The following FAM91A1 variants were observed in gnomAD, a reference collection of about 807,000 sequenced individuals.
FAM91A1 encodes the protein family with sequence similarity 91 member A1, also known as protein FAM91A1.
FAM91A1 carries 41 observed loss-of-function variants against 113.5 expected under a neutral mutation model. The ratio of observed to expected loss-of-function variants is 0.36; its 90% CI spans 0.28 to 0.47. The LOEUF is 0.47. Ranked by LOEUF, FAM91A1 falls within the 20% of genes least tolerant of loss-of-function variation. The pLI is 1.00. For missense variants in FAM91A1, 696 were observed against 1,001.2 expected (o/e 0.70, Z 4.11); for synonymous variants, 307 against 347.9 (o/e 0.88, Z 1.31).
intron 22 of FAM91A1, 88 bp downstream of exon 22, chr8:123,809,104 T>G (rs910202007): frequency 5.9e-6 from 9 of 1,532,776 alleles, no homozygotes; most frequent in Non-Finnish European, 8.0e-6. Flanking sequence ...ATTCCACACA[T>G]GAGCACAGTA....
Position 123,775,313 on chromosome 8 carries a change from T to C in FAM91A1, c.309+15T>C, listed in dbSNP as rs1814955736. 1 of 1,610,870 alleles carries C rather than the reference T, an allele frequency of 6.2e-7. No individual in the cohort carries two copies. Among genetic ancestry groups the C allele is most frequent in the East Asian group, 2.2e-5 (1 of 44,810 alleles). On this transcript the variant is annotated intron_variant, in intron 3 of 23. Transcript: ENST00000334705. ...GGATTATGGAGGTGAGTTTACAGTG[T>C]GGGTGAGCCAGTGGGAATGGGATGG...
In FAM91A1 at chr8:123,785,761, T is replaced by A; in HGVS notation, c.962+20T>A. The A allele has an allele frequency of 7.1e-7, 1 of 1,405,556 alleles. No individual in the cohort carries two copies. Among genetic ancestry groups the A allele is most frequent in the Non-Finnish European group, 9.8e-7 (1 of 1,025,518 alleles). The allele number at this position is 1,405,556 out of a possible 1,614,324, so 87.1% of individuals were successfully genotyped here. On this transcript the variant is annotated intron_variant, in intron 11 of 23. Transcript: ENST00000334705. ...ATTAAAGTAACTTAAATTTATTCAG[T>A]ATGAGCTATTAGAGTTTCCTTTTGA...
At chr8:123,780,844 A>G (rs1266417594) in intron 8 of FAM91A1, among the ~76,000 whole-genome samples, 1 of 152,142 alleles carries the variant, frequency 6.6e-6, no homozygotes, top group Non-Finnish European at 1.5e-5. Flanking sequence ...AGCTGTTTTT[A>G]CATGTGTTCA....
At chr8:123,805,431 C>G in intron 19 of FAM91A1, 92 bp downstream of exon 19, 1 of 1,101,416 alleles carries the variant, frequency 9.1e-7, no homozygotes, top group Non-Finnish European at 1.3e-6. Flanking sequence ...GAAATGAATT[C>G]TTGAAATTTT....
At chr8:123,784,659 T>C in intron 9 of FAM91A1, 83 bp downstream of exon 9, 1 of 945,272 alleles carries the variant, frequency 1.1e-6, no homozygotes, top group South Asian at 1.8e-5. Context: ...AATATGGTAG[T>C]ATCTTTTTAA....
intron 16 of FAM91A1, 137 bp downstream of exon 16, chr8:123,798,375 T>C: frequency 2.1e-6 from 2 of 964,974 alleles, no homozygotes; most frequent in East Asian, 2.7e-5. Context: ...CTTTGTAAGA[T>C]GATATGTTCA....
chr8:123,800,023 T>G, intron 18 of FAM91A1, 138 bp downstream of exon 18: 4 of 774,960 alleles, frequency 5.2e-6, no homozygotes, highest in Non-Finnish European at 7.9e-6. Context: ...AGATATGGAT[T>G]TTAGTCCTGG....
intron 3 of FAM91A1, among the ~76,000 whole-genome samples, chr8:123,777,024 G>C (rs1815000676): frequency 6.6e-6 from 1 of 152,182 alleles, no homozygotes; most frequent in African/African-American, 2.4e-5. Flanking sequence ...TGGGGCAGCT[G>C]CCTGGGATTC....
chr8:123,787,997 A>T (rs1815299529), intron 14 of FAM91A1, among the ~76,000 whole-genome samples: 1 of 152,218 alleles, frequency 6.6e-6, no homozygotes, highest in Admixed American at 6.5e-5. Flanking sequence ...ATTTGAGATA[A>T]TGAAGAAATG....
At chr8:123,787,970 A>C in intron 14 of FAM91A1, among the ~76,000 whole-genome samples, 1 of 152,262 alleles carries the variant, frequency 6.6e-6, no homozygotes, top group East Asian at 1.9e-4. Flanking sequence ...TGTCTACCTC[A>C]TCTAATTCTT....
intron 1 of FAM91A1, 45 bp from the exon 2 acceptor site, chr8:123,774,035 G>T: frequency 6.7e-7 from 1 of 1,497,682 alleles, no homozygotes; most frequent in Middle Eastern, 1.7e-4. Context: ...TAGTACTATT[G>T]TTCAGTTTGG....
chr8:123,789,862 A>T (rs1586381801), intron 15 of FAM91A1, 117 bp downstream of exon 15: 1 of 1,215,782 alleles, frequency 8.2e-7, no homozygotes, highest in Middle Eastern at 2.6e-4. Context: ...TAGATAGCAT[A>T]TTGAATTTAT....
intron 15 of FAM91A1, among the ~76,000 whole-genome samples, chr8:123,796,247 A>G (rs1475724586): frequency 1.3e-5 from 2 of 152,202 alleles, no homozygotes; most frequent in Non-Finnish European, 2.9e-5. Context: ...GAGAACTCTA[A>G]TAGAACCTCA....
rs187601377 is a variant in FAM91A1 at position 123,777,002 on chromosome 8, G to A, written c.310-263G>A. Among the ~76,000 whole-genome samples, 157 of 152,298 alleles carry A rather than the reference G, an allele frequency of 1.0e-3. 1 individual carries two copies. The highest frequency in any genetic ancestry group is 2.0e-3 in the Non-Finnish European group (137 of 68,024). ...AGCCATTACTTACATAGCTTCCACAGGGCAGAGGTTATGGGGCAGCTGCCT... is the reference window on the plus strand; with the variant it reads ...AGCCATTACTTACATAGCTTCCACAAGGCAGAGGTTATGGGGCAGCTGCCT... On this transcript the variant is annotated intron_variant, in intron 3 of 23. Coordinates refer to ENST00000334705, the MANE Select transcript of FAM91A1 (RefSeq NM_144963.4).
intron 22 of FAM91A1, among the ~76,000 whole-genome samples, 172 bp downstream of exon 22, chr8:123,809,188 A>G (rs1248340498): frequency 3.3e-5 from 5 of 152,208 alleles, no homozygotes; most frequent in Non-Finnish European, 7.3e-5. Flanking sequence ...TCAAAATTAA[A>G]TTTCACTAGA....
intron 16 of FAM91A1, among the ~76,000 whole-genome samples, chr8:123,799,126 G>A (rs1291021752): frequency 1.3e-5 from 2 of 152,204 alleles, no homozygotes; most frequent in East Asian, 3.9e-4. Context: ...CTTTAATATC[G>A]AGCTTATTAT....
intron 18 of FAM91A1, among the ~76,000 whole-genome samples, chr8:123,803,541 G>C (rs942223309): frequency 2.0e-5 from 3 of 152,164 alleles, no homozygotes; most frequent in Admixed American, 6.5e-5. Context: ...GGGCTCAAGT[G>C]ATCTGCCCGC....
chr8:123,786,122 A>G, intron 11 of FAM91A1: 1 of 243,618 alleles, frequency 4.1e-6, no homozygotes, highest in Non-Finnish European at 8.1e-6. Context: ...CCTGGCCCAG[A>G]AATTTTATTT....
intron 6 of FAM91A1, 42 bp from the exon 7 acceptor site, chr8:123,779,943 A>T: frequency 6.5e-7 from 1 of 1,545,432 alleles, no homozygotes; most frequent in Non-Finnish European, 8.9e-7. Flanking sequence ...TGAATTAGTT[A>T]ATTTGGACAG....
Sources: gnomAD v4.1 joint callset for allele counts (sites outside exome capture counted in the v4.1 genomes callset) on GRCh38, gnomAD v4.1.1 for gene constraint, MANE v1.5 for transcripts, NCBI Gene and HGNC (gene_info 2026-07-23, HGNC 2026-07-21) for gene names.